MOB3B: variants seen among roughly 807,000 people sequenced by gnomAD.
MOB3B encodes the protein MOB kinase activator 3B, also known as MOB kinase activator-like 2B.
In MOB3B, 7 loss-of-function variants were observed where a neutral mutation model predicts 18.7. The observed-to-expected ratio is 0.37, with a 90% CI of 0.21 to 0.70. MOB3B has a LOEUF of 0.70. Among genes scored for constraint, MOB3B ranks in the 30% least tolerant of loss-of-function variants. The pLI, the probability that MOB3B is intolerant of heterozygous loss-of-function variation, is 0.52. For missense variants in MOB3B, 253 were observed against 281.3 expected, an observed-to-expected ratio of 0.90 and a Z score of 0.72; for synonymous variants, 111 against 99.9, an observed-to-expected ratio of 1.11 and a Z score of -0.66.
intron 1 of MOB3B, chr9:27,524,478 C>A (rs1007256446): frequency 6.2e-7 from 1 of 1,614,094 alleles, no homozygotes; most frequent in Non-Finnish European, 8.5e-7. Context: ...TCTGAGACAT[C>A]TGAGTAGTAT....
At chr9:27,351,051 T>G (rs1044332277) in intron 3 of MOB3B, among the ~76,000 whole-genome samples, 16 of 152,122 alleles carry the variant, frequency 1.1e-4, no homozygotes, top group Non-Finnish European at 2.2e-4. Context: ...TATGGGCACC[T>G]GACACCACGC....
At chr9:27,416,812 C>T (rs1050526905) in intron 2 of MOB3B, among the ~76,000 whole-genome samples, 43 of 151,998 alleles carry the variant, frequency 2.8e-4, no homozygotes, top group Admixed American at 2.4e-3. Context: ...CTGGGATTAC[C>T]GGCATGAGCC....
chr9:27,449,655 A>T (rs1367975081), intron 2 of MOB3B, among the ~76,000 whole-genome samples: 1 of 152,204 alleles, frequency 6.6e-6, no homozygotes, highest in Non-Finnish European at 1.5e-5. Flanking sequence ...ATCAAAATAA[A>T]AACCATGTGA....
intron 1 of MOB3B, chr9:27,524,345 C>G: frequency 6.2e-7 from 1 of 1,609,266 alleles, no homozygotes; most frequent in Non-Finnish European, 8.5e-7. Flanking sequence ...AAATGAGCAC[C>G]AAACCTGATA....
chr9:27,525,450 C>T (rs747966409), intron 1 of MOB3B, among the ~76,000 whole-genome samples: 2 of 152,078 alleles, frequency 1.3e-5, no homozygotes. Flanking sequence ...CCCTCCTGCT[C>T]GGGGGGAAAA....
chr9:27,478,003 G>T (rs1819581476), intron 1 of MOB3B, among the ~76,000 whole-genome samples: 1 of 152,096 alleles, frequency 6.6e-6, no homozygotes, highest in East Asian at 1.9e-4. Flanking sequence ...TCAGGGAAGG[G>T]GGAAGTAAGT....
At chr9:27,411,035 G>C (rs571608447) in intron 2 of MOB3B, among the ~76,000 whole-genome samples, 52 of 152,304 alleles carry the variant, frequency 3.4e-4, no homozygotes, top group African/African-American at 1.2e-3. Flanking sequence ...CAGAAACTTG[G>C]TTCTGCTGTG....
At chr9:27,395,596 G>A (rs924590766) in intron 2 of MOB3B, among the ~76,000 whole-genome samples, 2 of 152,198 alleles carry the variant, frequency 1.3e-5, no homozygotes, top group Non-Finnish European at 2.9e-5. Flanking sequence ...AACAGGGAGC[G>A]AATGTGATTC....
At chr9:27,476,654 A>G (rs1819557531) in intron 1 of MOB3B, among the ~76,000 whole-genome samples, 2 of 152,230 alleles carry the variant, frequency 1.3e-5, no homozygotes, top group South Asian at 4.1e-4. Context: ...CCCCAAAACA[A>G]CTGCCTTTGC....
chr9:27,486,676 A>G (rs899698026), intron 1 of MOB3B, among the ~76,000 whole-genome samples: 5 of 152,226 alleles, frequency 3.3e-5, no homozygotes, highest in Non-Finnish European at 7.3e-5. Context: ...TCTAGAGATG[A>G]GAAGCAGAAA....
intron 1 of MOB3B, among the ~76,000 whole-genome samples, chr9:27,463,172 A>T (rs1819320419): frequency 6.6e-6 from 1 of 152,234 alleles, no homozygotes; most frequent in Non-Finnish European, 1.5e-5. Context: ...GAGACCAGTC[A>T]CCTAGAATCT....
chr9:27,499,361 C>T (rs2131493458), intron 1 of MOB3B, among the ~76,000 whole-genome samples: 1 of 152,172 alleles, frequency 6.6e-6, no homozygotes, highest in South Asian at 2.1e-4. Context: ...ACCAAGAAAG[C>T]AAGCTTATTA....
At chr9:27,389,227 G>A (rs537888148) in intron 2 of MOB3B, among the ~76,000 whole-genome samples, 4 of 152,120 alleles carry the variant, frequency 2.6e-5, no homozygotes, top group Non-Finnish European at 5.9e-5. Context: ...AAACTTACTG[G>A]ATCAGAAACT....
chr9:27,482,087 A>G (rs911885195), intron 1 of MOB3B, among the ~76,000 whole-genome samples: 1 of 152,214 alleles, frequency 6.6e-6, no homozygotes, highest in African/African-American at 2.4e-5. Context: ...AACATAAAGC[A>G]AAAGGGTGGA....
intron 1 of MOB3B, 121 bp downstream of exon 1, chr9:27,529,434 G>A (rs893644406): frequency 9.0e-6 from 5 of 555,790 alleles, no homozygotes; most frequent in Non-Finnish European, 1.1e-5. Context: ...GCCGCCTCCC[G>A]CACCTTCTTG....
intron 2 of MOB3B, among the ~76,000 whole-genome samples, chr9:27,399,574 G>A (rs946879321): frequency 1.3e-5 from 2 of 152,138 alleles, no homozygotes; most frequent in African/African-American, 4.8e-5. Context: ...AGACACCCAG[G>A]TGGACCTTCA....
intron 3 of MOB3B, among the ~76,000 whole-genome samples, chr9:27,349,134 G>T (rs1021943073): frequency 6.6e-6 from 1 of 152,214 alleles, no homozygotes; most frequent in Non-Finnish European, 1.5e-5. Context: ...GACTCTATTA[G>T]CACCAACATC....
chr9:27,452,354 C>T (rs905742933), intron 2 of MOB3B, among the ~76,000 whole-genome samples: 2 of 152,152 alleles, frequency 1.3e-5, no homozygotes, highest in African/African-American at 4.8e-5. Flanking sequence ...GACATGGTAT[C>T]TGAGCTGAAC....
intron 3 of MOB3B, among the ~76,000 whole-genome samples, chr9:27,340,141 G>A (rs921223096): frequency 4.6e-5 from 7 of 152,188 alleles, no homozygotes; most frequent in African/African-American, 1.7e-4. Flanking sequence ...GATTAATTCT[G>A]TTCCTAAACA....
Sources: allele counts gnomAD v4.1 joint callset (sites outside exome capture counted in the v4.1 genomes callset), GRCh38; gene constraint gnomAD v4.1.1; transcripts MANE v1.5; gene names NCBI Gene and HGNC (gene_info 2026-07-23, HGNC 2026-07-21).